DYNLRB2: variants seen among roughly 807,000 people sequenced by gnomAD.
The protein encoded by DYNLRB2 is bithoraxoid-like protein.
Under a neutral mutation model 12.6 loss-of-function variants are expected in DYNLRB2, and 14 were observed. The observed-to-expected ratio is 1.11, with a 90% CI of 0.73 to 1.73. The LOEUF (loss-of-function observed/expected upper bound fraction) is 1.73, where lower values mean the gene tolerates loss of function less well. DYNLRB2 is among the 40% of genes most tolerant of loss of function. The pLI is 0.00. For synonymous variants in DYNLRB2, 53 were observed against 37.0 expected (o/e 1.43, Z -1.57); for missense variants, 142 against 117.7 (o/e 1.21, Z -0.95).
rs200870831 is a variant in DYNLRB2, at chr16:80,548,743, T to A, written c.80-741T>A. ...CTCCGTCTCAAAAAAAAAAAAAAAA[T>A]AGAGCACCCAAGTAGCCAAATTTAA... On this transcript the variant is annotated intron_variant, in intron 2 of 3. Coordinates refer to ENST00000305904, the MANE Select transcript of DYNLRB2 (RefSeq NM_130897.3). Among the ~76,000 whole-genome samples, 320 of 81,928 alleles carry A rather than the reference T, an allele frequency of 3.9e-3. 6 individuals are homozygous for A. The highest frequency in any genetic ancestry group is 7.4e-3 in the Middle Eastern group (1 of 136). 53.7% of individuals were successfully genotyped at this position (81,928 alleles called of 152,430 possible).
At chr16:80,545,153 T>A (rs1904369442) in intron 2 of DYNLRB2, among the ~76,000 whole-genome samples, 1 of 152,160 alleles carries the variant, frequency 6.6e-6, no homozygotes, top group African/African-American at 2.4e-5. Flanking sequence ...TAGGTAATCC[T>A]GGTGATATGC....
intron 2 of DYNLRB2, among the ~76,000 whole-genome samples, chr16:80,544,265 T>C (rs962436598): frequency 5.3e-5 from 8 of 152,298 alleles, no homozygotes; most frequent in Admixed American, 6.5e-5. Context: ...AATGAGACAA[T>C]AATTGTTGAG....
intron 2 of DYNLRB2, among the ~76,000 whole-genome samples, chr16:80,545,417 G>A (rs1197649740): frequency 6.6e-6 from 1 of 151,994 alleles, no homozygotes; most frequent in Non-Finnish European, 1.5e-5. Flanking sequence ...AGTGTCTTGG[G>A]AAACTACTCA....
intron 3 of DYNLRB2, among the ~76,000 whole-genome samples, chr16:80,550,107 G>T (rs149025508): frequency 6.6e-6 from 1 of 152,116 alleles, no homozygotes; most frequent in Non-Finnish European, 1.5e-5. Flanking sequence ...AATTAGGTTC[G>T]CAATATTACA....
At chr16:80,547,889 ATAT>A (rs1281803590) in intron 2 of DYNLRB2, 2 of 455,684 alleles carry the variant, frequency 4.4e-6, no homozygotes, top group East Asian at 1.4e-4. Flanking sequence ...TTTCCTGTAA[ATAT>A]TATCCTCATA....
chr16:80,540,878 G>A, upstream of DYNLRB2: 2 of 935,506 alleles, frequency 2.1e-6, no homozygotes, highest in South Asian at 1.4e-5. Flanking sequence ...CCCCTCTTCC[G>A]CGAACCTTCG....
intron 2 of DYNLRB2, among the ~76,000 whole-genome samples, chr16:80,548,418 A>C (rs949576562): frequency 1.3e-5 from 2 of 152,174 alleles, no homozygotes; most frequent in Non-Finnish European, 2.9e-5. Context: ...TTTCTGTTTT[A>C]AACTCATGTA....
chr16:80,547,711 A>G, intron 2 of DYNLRB2: 1 of 454,332 alleles, frequency 2.2e-6, no homozygotes, highest in South Asian at 1.6e-5. Flanking sequence ...AAAAGTTCCC[A>G]TCAAAGGTTG....
chr16:80,541,310 A>G (rs540561011), intron 1 of DYNLRB2: 2 of 978,398 alleles, frequency 2.0e-6, no homozygotes, highest in Non-Finnish European at 2.4e-6. Flanking sequence ...GGGATGGTAC[A>G]TAAGGAGGGG....
In DYNLRB2 at chr16:80,550,499, A is replaced by C. The variant is rs977895643; in HGVS notation, c.248-16A>C. ...TTTAAATTAAGGGTGAATTGATTTT[A>C]TCCATCTCTCCATAGATAAGGAATA... On this transcript the variant is annotated splice_polypyrimidine_tract_variant and intron_variant, in intron 3 of 3. Transcript: ENST00000305904. The C allele has an allele frequency of 1.2e-6, 2 of 1,613,732 alleles. No homozygotes were observed. The highest frequency in any genetic ancestry group is 2.7e-5 in the African/African-American group (2 of 74,928).
At chr16:80,540,982 C>G (rs1004674640), upstream of DYNLRB2, 14 of 1,582,472 alleles carry the variant, frequency 8.8e-6, no homozygotes, top group Admixed American at 1.8e-5. Flanking sequence ...CGTGGGGCCA[C>G]TTCCTTTTTT....
intron 2 of DYNLRB2, among the ~76,000 whole-genome samples, chr16:80,543,933 A>G (rs982488234): frequency 1.3e-5 from 2 of 152,188 alleles, no homozygotes; most frequent in Non-Finnish European, 2.9e-5. Context: ...TCCACATCAC[A>G]TTTACTTTGG....
intron 3 of DYNLRB2, 37 bp from the exon 4 acceptor site, chr16:80,550,478 A>T (rs777650885): frequency 6.2e-7 from 1 of 1,611,928 alleles, no homozygotes; most frequent in African/African-American, 1.3e-5. Context: ...ATTAAATTTA[A>T]ATTAAGGGTG....
chr16:80,544,064 A>G (rs1904319119), intron 2 of DYNLRB2, among the ~76,000 whole-genome samples: 1 of 152,218 alleles, frequency 6.6e-6, no homozygotes, highest in Admixed American at 6.5e-5. Flanking sequence ...AGTTAAAATA[A>G]GAGTAGCTAC....
intron 2 of DYNLRB2, chr16:80,547,744 T>G (rs938460877): frequency 2.0e-5 from 9 of 455,300 alleles, no homozygotes; most frequent in Non-Finnish European, 3.5e-5. Flanking sequence ...GTTTCCATTT[T>G]CTGCTTGTTA....
intron 2 of DYNLRB2, among the ~76,000 whole-genome samples, chr16:80,546,411 A>G (rs1177372532): frequency 6.6e-6 from 1 of 152,188 alleles, no homozygotes; most frequent in Non-Finnish European, 1.5e-5. Context: ...TTCAGATTAT[A>G]TTTGTGGTTA....
chr16:80,541,703 T>C (rs576718759), intron 1 of DYNLRB2, among the ~76,000 whole-genome samples: 69 of 149,214 alleles, frequency 4.6e-4, no homozygotes, highest in Non-Finnish European at 7.6e-4. Flanking sequence ...TTACAAATCA[T>C]GAGAAGAGAA....
intron 2 of DYNLRB2, chr16:80,548,216 C>T (rs1904602081): frequency 5.9e-6 from 1 of 168,294 alleles, no homozygotes; most frequent in African/African-American, 2.4e-5. Context: ...AAATCAAATC[C>T]CTGGCTATCT....
At chr16:80,544,747 G>A (rs1904346946) in intron 2 of DYNLRB2, 1 of 152,224 alleles carries the variant, frequency 6.6e-6, no homozygotes, top group Admixed American at 6.5e-5. Context: ...GGCTCATGCT[G>A]TCTCTGAAGA....
Sources: gnomAD v4.1 joint callset for allele counts (sites outside exome capture counted in the v4.1 genomes callset) on GRCh38, gnomAD v4.1.1 for gene constraint, MANE v1.5 for transcripts, NCBI Gene and HGNC (gene_info 2026-07-23, HGNC 2026-07-21) for gene names.